Variants in UNC13C observed in about 807,000 individuals in gnomAD.
The protein encoded by UNC13C is protein unc-13 homolog C.
A neutral mutation model predicts 245.4 loss-of-function variants in UNC13C; 174 were observed. That is an observed-to-expected ratio of 0.71 (90% confidence interval 0.63 to 0.80). UNC13C has a LOEUF of 0.80. Ranked by LOEUF, UNC13C falls within the 30% of genes least tolerant of loss-of-function variation. The probability of loss-of-function intolerance (pLI) is 0.00; values close to 1 mark genes in which losing one functional copy is unlikely to be tolerated. For missense variants in UNC13C, 2,829 were observed against 2,602.9 expected (o/e 1.09, Z -1.89); for synonymous variants, 992 against 895.1 (o/e 1.11, Z -1.93).
chr15:53,856,273 T>A, the UNC13C span, among the ~76,000 whole-genome samples: 54 of 152,174 alleles, frequency 3.5e-4, no homozygotes, highest in African/African-American at 1.3e-3. Context: ...TTTTTTTGTA[T>A]CTCTATCTCC....
At chr15:54,091,802 G>A (rs1481356650) in intron 2 of UNC13C, among the ~76,000 whole-genome samples, 1 of 151,670 alleles carries the variant, frequency 6.6e-6, no homozygotes, top group African/African-American at 2.4e-5. Flanking sequence ...AATTTTTGCT[G>A]CACAGGACTT....
At chr15:54,552,222 AGG>A (rs1226376846) in intron 28 of UNC13C, among the ~76,000 whole-genome samples, 1 of 138,478 alleles carries the variant, frequency 7.2e-6, no homozygotes, top group African/African-American at 2.7e-5. Context: ...GAATTTCATT[AGG>A]TGTAATATAT....
chr15:54,626,957 A>G lies in UNC13C; in HGVS notation c.6489A>G (p.Gly2163=). The change falls in exon 33 of 33, where the codon GGA becomes GGG. Residue 2163 remains glycine (G), a synonymous_variant. Coordinates refer to ENST00000260323, the MANE Select transcript of UNC13C (RefSeq NM_001080534.3). Reference sequence around the variant, plus strand: ...AGCTACAGAACATAGCAGAAAAGGGAAGCTATGGGGCATGGTATCCTCTTC... The same window carrying G: ...AGCTACAGAACATAGCAGAAAAGGGGAGCTATGGGGCATGGTATCCTCTTC... ...VIQLQNIAEK[G]SYGAWYPLLK... 7.4e-6 allele frequency: 12 copies of G among 1,613,504 alleles called. No homozygotes were observed. Among genetic ancestry groups the G allele is most frequent in the Non-Finnish European group, 1.0e-5 (12 of 1,179,642 alleles).
At chr15:54,084,293 G>A (rs1317125742) in intron 2 of UNC13C, among the ~76,000 whole-genome samples, 1 of 152,172 alleles carries the variant, frequency 6.6e-6, no homozygotes, top group Non-Finnish European at 1.5e-5. Flanking sequence ...TTGGATTTAA[G>A]TTCCTCGTGT....
chr15:54,535,023 A>G (rs1402073344), intron 26 of UNC13C, among the ~76,000 whole-genome samples: 1 of 152,204 alleles, frequency 6.6e-6, no homozygotes. Context: ...ACAACCAGCT[A>G]AAGACGCAAC....
intron 17 of UNC13C, among the ~76,000 whole-genome samples, chr15:54,373,983 C>T (rs1370192254): frequency 6.6e-6 from 1 of 152,100 alleles, no homozygotes; most frequent in Non-Finnish European, 1.5e-5. Context: ...TTTCAGCAGA[C>T]AAGAAACCCA....
intron 4 of UNC13C, among the ~76,000 whole-genome samples, chr15:54,228,495 C>T (rs770941463): frequency 8.5e-5 from 13 of 152,116 alleles, no homozygotes; most frequent in Admixed American, 2.6e-4. Flanking sequence ...TGAGTCTCAC[C>T]CAAGGCCCAT....
At chr15:54,378,578 C>A (rs1253322743) in intron 17 of UNC13C, among the ~76,000 whole-genome samples, 2 of 151,240 alleles carry the variant, frequency 1.3e-5, no homozygotes, top group Admixed American at 6.6e-5. Context: ...TAAATATATT[C>A]TACACATACA....
chr15:53,894,130 A>G, the UNC13C span, among the ~76,000 whole-genome samples: 1 of 152,140 alleles, frequency 6.6e-6, no homozygotes, highest in Non-Finnish European at 1.5e-5. Context: ...AGGTGAGGCG[A>G]CACCCCACCC....
At chr15:54,396,083 G>C (rs1440630474) in intron 18 of UNC13C, among the ~76,000 whole-genome samples, 1 of 138,278 alleles carries the variant, frequency 7.2e-6, no homozygotes, top group African/African-American at 3.5e-5. Flanking sequence ...TTCTTTCTCT[G>C]TCTTTCTAAC....
chr15:54,424,416 AT>A (rs1485522569), intron 19 of UNC13C, among the ~76,000 whole-genome samples: 1 of 151,624 alleles, frequency 6.6e-6, no homozygotes, highest in Non-Finnish European at 1.5e-5. Flanking sequence ...GTTTGTTTTT[AT>A]TTGGAAACCT....
Position 54,085,859 on chromosome 15 carries a change from G to A in UNC13C, c.2984-57159G>A, listed in dbSNP as rs144428785. On this transcript the variant is annotated intron_variant, in intron 2 of 32. Transcript: ENST00000260323. ...TTGTGCAATGCACTTTTCTGTCTGC[G>A]TATTTAAAAATGTTTAAAAAAACAA... Among the ~76,000 whole-genome samples, 9 of 151,836 alleles carry A rather than the reference G, an allele frequency of 5.9e-5. No individual in the cohort carries two copies. In the South Asian group the frequency reaches 6.2e-4, roughly 11 times the overall value.
At chr15:54,269,519 T>C (rs1452642593) in intron 10 of UNC13C, among the ~76,000 whole-genome samples, 1 of 152,162 alleles carries the variant, frequency 6.6e-6, no homozygotes, top group Non-Finnish European at 1.5e-5. Context: ...TTTTAATCCT[T>C]CAAAGGGTCC....
chr15:53,956,911 C>T, the UNC13C span, among the ~76,000 whole-genome samples: 3 of 31,104 alleles, frequency 9.6e-5, no homozygotes, highest in East Asian at 1.1e-3. Flanking sequence ...TGTGTGCATG[C>T]ACACATCCAT....
At chr15:53,959,332 GGT>G in the UNC13C span, among the ~76,000 whole-genome samples, 1 of 151,520 alleles carries the variant, frequency 6.6e-6, no homozygotes, top group Non-Finnish European at 1.5e-5. Flanking sequence ...TGGTTCATAT[GGT>G]ATTTGTATTT....
chr15:54,462,950 T>C (rs2141028587), intron 19 of UNC13C, among the ~76,000 whole-genome samples: 1 of 152,178 alleles, frequency 6.6e-6, no homozygotes, highest in Admixed American at 6.5e-5. Flanking sequence ...CTTTCGTGTC[T>C]AGCTAGAGAA....
chr15:54,544,647 C>T (rs1047565667), intron 26 of UNC13C, among the ~76,000 whole-genome samples: 40 of 152,144 alleles, frequency 2.6e-4, no homozygotes, highest in African/African-American at 9.4e-4. Flanking sequence ...TTCCTATACA[C>T]CAATAATAGA....
intron 17 of UNC13C, among the ~76,000 whole-genome samples, chr15:54,349,240 A>G (rs2038927356): frequency 6.6e-6 from 1 of 151,328 alleles, no homozygotes; most frequent in Non-Finnish European, 1.5e-5. Flanking sequence ...GTAACAAGAA[A>G]TTGTTCAAAA....
intron 4 of UNC13C, among the ~76,000 whole-genome samples, chr15:54,203,831 T>TATACAC (rs1264028974): frequency 6.7e-6 from 1 of 149,696 alleles, no homozygotes; most frequent in South Asian, 2.1e-4. Flanking sequence ...CGTGTATGTA[T>TATACAC]ATACACATAC....
Sources: gnomAD v4.1 joint callset for allele counts (sites outside exome capture counted in the v4.1 genomes callset) on GRCh38, gnomAD v4.1.1 for gene constraint, MANE v1.5 for transcripts, NCBI Gene and HGNC (gene_info 2026-07-23, HGNC 2026-07-21) for gene names.